Variants in NTRK1 observed in about 807,000 individuals in gnomAD.
NTRK1 encodes high affinity nerve growth factor receptor.
A neutral mutation model predicts 86.8 loss-of-function variants in NTRK1; 62 were observed. That is an observed-to-expected ratio of 0.71 (90% confidence interval 0.58 to 0.88). NTRK1 has a LOEUF of 0.88. Among genes scored for constraint, NTRK1 ranks in the 40% least tolerant of loss-of-function variants. The probability of loss-of-function intolerance (pLI) is 0.00; values close to 1 mark genes in which losing one functional copy is unlikely to be tolerated. For synonymous variants in NTRK1, 469 were observed against 456.6 expected, an observed-to-expected ratio of 1.03 and a Z score of -0.35; for missense variants, 967 against 1,078.4, an observed-to-expected ratio of 0.90 and a Z score of 1.45.
At position 156,868,568 on chromosome 1, in the gene NTRK1, T is replaced by C. The variant is rs747711259; in HGVS notation, c.638T>C (p.Leu213Pro). ...GTGGATGTGGGGGACGACGTGCTGC[T>C]GCGGTGCCAGGTGGAGGGGCGGGGC... ...ASVDVGDDVL[L>P]RCQVEGRGLE... The change falls in exon 6 of 17, where the codon CTG becomes CCG. Residue 213 changes from leucine (L) to proline (P), a missense_variant. Around this residue, in one of 2 missense-constraint regions of NTRK1, gnomAD observed 330 missense variants for 302.0 expected, o/e 1.09. Coordinates refer to ENST00000524377, the MANE Select transcript of NTRK1 (RefSeq NM_002529.4). 19 of 1,554,906 alleles carry C rather than the reference T, an allele frequency of 1.2e-5. No homozygotes were observed. Among genetic ancestry groups the C allele is most frequent in the Non-Finnish European group, 1.6e-5 (18 of 1,148,944 alleles).
intron 2 of NTRK1, chr1:156,853,747 C>A: frequency 6.3e-7 from 1 of 1,592,456 alleles, no homozygotes; most frequent in Non-Finnish European, 8.6e-7. Context: ...TGTGCCAGTG[C>A]CCACCTCTCT....
At chr1:156,837,161 T>A (rs1654616829) in intron 1 of NTRK1, 1 of 152,240 alleles carries the variant, frequency 6.6e-6, no homozygotes, top group African/African-American at 2.4e-5. Context: ...GCCCTTCCCA[T>A]CTGACCGTGC....
At chr1:156,874,085 C>T (rs1057025367) in intron 8 of NTRK1, 126 bp downstream of exon 8, 7 of 1,037,354 alleles carry the variant, frequency 6.7e-6, no homozygotes, top group African/African-American at 3.2e-5. Context: ...AGTCTGGAGT[C>T]CTGGTGTCCC....
chr1:156,857,297 A>G (rs1031780818), upstream of NTRK1, among the ~76,000 whole-genome samples: 2 of 152,124 alleles, frequency 1.3e-5, no homozygotes, highest in Non-Finnish European at 2.9e-5. Context: ...GGCAAAAGCC[A>G]ATCAGGCTCT....
chr1:156,842,848 C>CT (rs891601385), intron 2 of NTRK1, among the ~76,000 whole-genome samples: 29 of 152,174 alleles, frequency 1.9e-4, no homozygotes, highest in African/African-American at 6.5e-4. Context: ...CTGTTTGACT[C>CT]TAACCCTAAC....
chr1:156,864,628 G>C, intron 2 of NTRK1, 100 bp from the exon 3 acceptor site: 1 of 1,327,692 alleles, frequency 7.5e-7, no homozygotes, highest in Non-Finnish European at 1.1e-6. Flanking sequence ...GGAGGGGTAG[G>C]GGTTCAGCAC....
Position 156,873,952 on chromosome 1 carries a change from C to A in NTRK1, c.1170C>A (p.Pro390=). ...CTTTCGAGTTCAACCCCGAGGACCC[C>A]ATCCCTGGTGCGAGGGCCATCCTGA... is the stretch of plus-strand genomic sequence containing the variant. ...DNPFEFNPED[P]IPVSFSPVDT... Residue 390 remains proline, a synonymous_variant, in exon 8 of 17, where the codon CCC becomes CCA. Transcript: ENST00000524377. The A allele has an allele frequency of 6.4e-7, 1 of 1,552,898 alleles. No individual in the cohort carries two copies. Among genetic ancestry groups the A allele is most frequent in the Non-Finnish European group, 8.7e-7 (1 of 1,147,652 alleles).
upstream of NTRK1, among the ~76,000 whole-genome samples, chr1:156,860,317 C>G (rs2102877766): frequency 6.6e-6 from 1 of 152,358 alleles, no homozygotes; most frequent in South Asian, 2.1e-4. Context: ...TCCCTTCGGC[C>G]GGATTAGGCG....
chr1:156,838,374 G>GTTTTTTTTTTTTTTT (rs372028318), intron 1 of NTRK1, among the ~76,000 whole-genome samples: 1 of 145,582 alleles, frequency 6.9e-6, no homozygotes. Context: ...CCAGCTACAG[G>GTTTTTTTTTTTTTTT]CTTTTTTTTT....
chr1:156,868,339 G>T (rs978785375), intron 5 of NTRK1, 90 bp downstream of exon 5: 4 of 1,564,082 alleles, frequency 2.6e-6, no homozygotes, highest in Non-Finnish European at 3.5e-6. Context: ...CACTGAAAAG[G>T]CCTGGGGAAT....
intron 5 of NTRK1, 79 bp downstream of exon 5, chr1:156,868,328 G>A: frequency 2.5e-6 from 4 of 1,574,502 alleles, no homozygotes; most frequent in South Asian, 2.3e-5. Context: ...CACTGAGCAA[G>A]CACTGAAAAG....
rs771989330 is a variant in NTRK1 at position 156,866,957 on chromosome 1, A to G, written c.407A>G (p.Gln136Arg). Residue 136 changes from glutamine to arginine, a missense_variant, in exon 4 of 17, where the codon CAG becomes CGG. Transcript: ENST00000524377. ...ALESLSWKTV[Q>R]GLSLQELVLS... ...GAGTCTCTCTCCTGGAAAACTGTGC[A>G]GGGCCTCTCCTTACAGGAACTGTGA... 1 of 1,614,228 alleles carries G rather than the reference A, an allele frequency of 6.2e-7. No individual in the cohort carries two copies. The highest frequency in any genetic ancestry group is 8.5e-7 in the Non-Finnish European group (1 of 1,180,032).
chr1:156,876,050 G>T lies in NTRK1; in HGVS notation c.1502-30G>T, dbSNP rs769292213. 2.5e-6 allele frequency: 4 copies of T among 1,614,078 alleles called. No individual in the cohort carries two copies. The South Asian group carries it at 4.4e-5, about 18-fold the overall frequency. On this transcript the variant is annotated intron_variant, in intron 12 of 16. Transcript: ENST00000524377. ...CAACCCCAGCCCTCCCAAGACTGGG[G>T]CTACCGTCTGACCCTGCAAGCCCCC...
At chr1:156,823,645 T>C (rs568423949) in intron 1 of NTRK1, among the ~76,000 whole-genome samples, 15 of 152,282 alleles carry the variant, frequency 9.9e-5, no homozygotes, top group African/African-American at 3.6e-4. Flanking sequence ...GGCTGGATGT[T>C]TTCTCTCCCT....
At chr1:156,870,972 G>A (rs1647513371) in intron 6 of NTRK1, among the ~76,000 whole-genome samples, 1 of 152,220 alleles carries the variant, frequency 6.6e-6, no homozygotes, top group African/African-American at 2.4e-5. Flanking sequence ...ATCTGCTGCA[G>A]GAGGCGATGC....
At chr1:156,820,870 T>A (rs530094654) in intron 1 of NTRK1, among the ~76,000 whole-genome samples, 1 of 152,332 alleles carries the variant, frequency 6.6e-6, no homozygotes, top group Non-Finnish European at 1.5e-5. Context: ...TAGATTGCTT[T>A]GGGCAGTATG....
At chr1:156,819,248 TC>T (rs1219392552) in intron 1 of NTRK1, among the ~76,000 whole-genome samples, 3 of 152,104 alleles carry the variant, frequency 2.0e-5, no homozygotes, top group Non-Finnish European at 4.4e-5. Context: ...CCTCAGGTGA[TC>T]CCCCTGCCTC....
In NTRK1 at chr1:156,854,605, G is replaced by A. The variant is rs147564417; in HGVS notation, c.51-9749G>A. On this transcript the variant is annotated intron_variant, in intron 2 of 16. Coordinates refer to the NTRK1 transcript ENST00000392302. The surrounding 1 kb of genome is among the most constrained non-coding windows in gnomAD (Gnocchi z 4.2). ...AGTCAGGCTCCCAACGACTGCAAGC[G>A]ACTCCCAGCGACTTCATTCTTGCAG... is the stretch of plus-strand genomic sequence containing the variant. 5.3e-5 allele frequency among the ~76,000 whole-genome samples: 8 copies of A among 152,282 alleles called. No individual in the cohort carries two copies. The East Asian group carries it at 1.3e-3, about 26-fold the overall frequency.
chr1:156,841,674 G>C, intron 1 of NTRK1: 1 of 1,614,008 alleles, frequency 6.2e-7, no homozygotes, highest in Non-Finnish European at 8.5e-7. Context: ...CCAGACATCC[G>C]AGTGGGTGGT....
Sources: allele counts gnomAD v4.1 joint callset (sites outside exome capture counted in the v4.1 genomes callset), GRCh38; gene constraint gnomAD v4.1.1; regional missense constraint gnomAD v4.1.1; non-coding constraint Gnocchi (gnomAD v3.1); transcripts MANE v1.5; gene names NCBI Gene and HGNC (gene_info 2026-07-23, HGNC 2026-07-21).